MEGF11: variants seen among roughly 807,000 people sequenced by gnomAD.
MEGF11 encodes multiple EGF like domains 11.
A neutral mutation model predicts 146.6 loss-of-function variants in MEGF11; 126 were observed. The observed-to-expected ratio is 0.86, with a 90% CI of 0.74 to 1.00. MEGF11 has a LOEUF of 1.00. Ranked by LOEUF, MEGF11 falls within the 50% of genes least tolerant of loss-of-function variation. The probability of loss-of-function intolerance (pLI) is 0.00; values close to 1 mark genes in which losing one functional copy is unlikely to be tolerated. For synonymous variants in MEGF11, 532 were observed against 583.4 expected (o/e 0.91, Z 1.27); for missense variants, 1,509 against 1,521.2 (o/e 0.99, Z 0.13).
At chr15:65,980,395 C>CTTTTT (rs60154748) in intron 7 of MEGF11, among the ~76,000 whole-genome samples, 1,694 of 88,092 alleles carry the variant, frequency 0.019, 55 homozygotes, top group African/African-American at 0.035. Flanking sequence ...AAGAATTCAG[C>CTTTTT]TTTTTTTTTT....
At chr15:65,986,849 G>A (rs1322923683) in intron 5 of MEGF11, among the ~76,000 whole-genome samples, 1 of 143,444 alleles carries the variant, frequency 7.0e-6, no homozygotes, top group Non-Finnish European at 1.5e-5. Flanking sequence ...CTAGGCTGGA[G>A]TGCAGTGGTG....
chr15:66,198,010 A>T lies in MEGF11; in HGVS notation c.-9+55595T>A, dbSNP rs11632965. Reference sequence around the variant, plus strand: ...AAGGCCGCAGTGGGAGGATCGCTAGAGCTCAGGAGTTCAAGACCAGCCTGG... The same window carrying T: ...AAGGCCGCAGTGGGAGGATCGCTAGTGCTCAGGAGTTCAAGACCAGCCTGG... On this transcript the variant is annotated intron_variant, in intron 1 of 25. Coordinates refer to ENST00000395614, the MANE Select transcript of MEGF11 (RefSeq NM_001385028.1). 6.2e-3 allele frequency among the ~76,000 whole-genome samples: 947 copies of T among 152,334 alleles called. 8 individuals carry two copies. The highest frequency in any genetic ancestry group is 0.014 in the Middle Eastern group (4 of 292).
rs367829585 is a variant in MEGF11 at position 65,898,117 on chromosome 15, A to G, written c.3263-23T>C. 4.4e-6 allele frequency: 7 copies of G among 1,602,508 alleles called. No individual in the cohort carries two copies. In the African/African-American group the frequency reaches 5.4e-5, roughly 12 times the overall value. On this transcript the variant is annotated intron_variant, in intron 25 of 25. Coordinates refer to ENST00000395614, the MANE Select transcript of MEGF11 (RefSeq NM_001385028.1). ...GCTCTAAGAAATATAGTGAAAAATG[A>G]GTTCAGAGAACAGATTAGCTTTGGT...
intron 5 of MEGF11, among the ~76,000 whole-genome samples, chr15:66,038,303 G>C (rs2083803140): frequency 6.6e-6 from 1 of 152,172 alleles, no homozygotes; most frequent in Non-Finnish European, 1.5e-5. Context: ...GCTCAGGGGA[G>C]AGCTGGATTC....
chr15:66,095,963 C>G (rs758335268), intron 4 of MEGF11, among the ~76,000 whole-genome samples: 1 of 152,220 alleles, frequency 6.6e-6, no homozygotes, highest in Non-Finnish European at 1.5e-5. Flanking sequence ...GCTGCTCACG[C>G]GGCAGCTAGC....
chr15:66,068,620 A>C (rs1197779064), intron 5 of MEGF11, among the ~76,000 whole-genome samples: 2 of 152,214 alleles, frequency 1.3e-5, no homozygotes, highest in Non-Finnish European at 2.9e-5. Context: ...ATTCTAAGCC[A>C]GTGCTCTTTC....
chr15:65,982,466 C>A lies in MEGF11; in HGVS notation c.417G>T (p.Gly139=). The A allele has an allele frequency of 6.8e-7, 1 of 1,480,808 alleles. No individual in the cohort carries two copies. Among genetic ancestry groups the A allele is most frequent in the East Asian group, 2.5e-5 (1 of 40,562 alleles). The allele number at this position is 1,480,808 out of a possible 1,614,324, so 91.7% of individuals were successfully genotyped here. A position where few individuals can be genotyped will look rare whatever the true frequency, so the allele number is the denominator to read the frequency against. ...ACTGGCACCGGTTGCTGCAGTGGGG[C>A]CCCCAGTGGTCGCTGTCGCAGCCTG... ...CSSGCDSDHW[G]PHCSNRCQCQ... is the part of the protein sequence containing the mutation. The change falls in exon 6 of 26, where the codon GGG becomes GGT. Residue 139 remains glycine (G), a synonymous_variant. Coordinates refer to ENST00000395614, the MANE Select transcript of MEGF11 (RefSeq NM_001385028.1). The surrounding 1 kb of genome is among the most constrained non-coding windows in gnomAD (Gnocchi z 5.6).
chr15:66,199,573 C>T (rs1202621565), intron 1 of MEGF11, among the ~76,000 whole-genome samples: 1 of 152,172 alleles, frequency 6.6e-6, no homozygotes, highest in Admixed American at 6.5e-5. Flanking sequence ...ACCAAAGCCC[C>T]AGATCTCTAT....
chr15:65,999,047 C>CTTT (rs35982125), intron 5 of MEGF11, among the ~76,000 whole-genome samples: 5 of 143,948 alleles, frequency 3.5e-5, no homozygotes, highest in Non-Finnish European at 1.5e-5. Flanking sequence ...GGTGTCACTT[C>CTTT]TTTTTTTTTT....
At chr15:66,075,122 T>C (rs2140494541) in intron 5 of MEGF11, among the ~76,000 whole-genome samples, 1 of 152,302 alleles carries the variant, frequency 6.6e-6, no homozygotes, top group Admixed American at 6.5e-5. Flanking sequence ...TCAAAAGGCC[T>C]TTGCTAGCTC....
chr15:66,195,392 T>TG (rs976269990), intron 1 of MEGF11, among the ~76,000 whole-genome samples: 14 of 152,170 alleles, frequency 9.2e-5, no homozygotes, highest in African/African-American at 2.9e-4. Context: ...ACAGGGACTC[T>TG]GGGGGGTCAC....
intron 4 of MEGF11, among the ~76,000 whole-genome samples, chr15:66,097,288 G>C (rs902481234): frequency 3.3e-5 from 5 of 152,188 alleles, no homozygotes; most frequent in African/African-American, 9.7e-5. Context: ...GCTGCGGGGA[G>C]AGTCTCCTAG....
At chr15:66,205,717 C>T (rs1224135310) in intron 1 of MEGF11, among the ~76,000 whole-genome samples, 1 of 152,248 alleles carries the variant, frequency 6.6e-6, no homozygotes, top group Non-Finnish European at 1.5e-5. Context: ...GGTGCCCTCA[C>T]TCTTTGGTGT....
At chr15:66,008,706 C>A (rs1357334391) in intron 5 of MEGF11, among the ~76,000 whole-genome samples, 1 of 152,012 alleles carries the variant, frequency 6.6e-6, no homozygotes, top group East Asian at 1.9e-4. Context: ...TGCCTGTGGT[C>A]CTGGCTACTC....
chr15:66,080,521 G>C (rs938479440), intron 5 of MEGF11, among the ~76,000 whole-genome samples: 1 of 152,074 alleles, frequency 6.6e-6, no homozygotes, highest in Non-Finnish European at 1.5e-5. Flanking sequence ...CAAAGTTCTT[G>C]GAAGATGGAG....
chr15:65,959,152 C>G (rs2080766785), intron 9 of MEGF11, among the ~76,000 whole-genome samples: 1 of 152,232 alleles, frequency 6.6e-6, no homozygotes, highest in Non-Finnish European at 1.5e-5. Context: ...GATTTATCAT[C>G]TGTCTTCTCC....
chr15:66,141,289 T>TGTGAGA (rs1555475806), intron 1 of MEGF11, among the ~76,000 whole-genome samples: 21 of 101,246 alleles, frequency 2.1e-4, no homozygotes, highest in South Asian at 4.0e-4. Flanking sequence ...TGTGTGTGTG[T>TGTGAGA]GAGAGAGAGA....
At position 65,984,344 on chromosome 15, in the gene MEGF11, G is replaced by A. The variant is rs138595351; in HGVS notation, c.395-1856C>T. Among the ~76,000 whole-genome samples, 315 of 151,906 alleles carry A rather than the reference G, an allele frequency of 2.1e-3. 2 individuals carry two copies. Among genetic ancestry groups the A allele is most frequent in the Non-Finnish European group, 1.9e-3 (129 of 67,958 alleles). On this transcript the variant is annotated intron_variant, in intron 5 of 25. Coordinates refer to ENST00000395614, the MANE Select transcript of MEGF11 (RefSeq NM_001385028.1). ...AGTTCAAGAACAGCCTGGGCAACAC[G>A]GTGAAACCTCATCTCTACTAAAATA... is the stretch of plus-strand genomic sequence containing the variant.
intron 1 of MEGF11, among the ~76,000 whole-genome samples, chr15:66,184,286 A>T (rs924271486): frequency 6.6e-6 from 1 of 152,156 alleles, no homozygotes; most frequent in Non-Finnish European, 1.5e-5. Flanking sequence ...CTCCCCACGC[A>T]TCCCACACTG....
Sources: allele counts gnomAD v4.1 joint callset (sites outside exome capture counted in the v4.1 genomes callset), GRCh38; gene constraint gnomAD v4.1.1; non-coding constraint Gnocchi (gnomAD v3.1); transcripts MANE v1.5; gene names NCBI Gene and HGNC (gene_info 2026-07-23, HGNC 2026-07-21).